SEZ6L: variants seen among roughly 807,000 people sequenced by gnomAD.
SEZ6L encodes the protein seizure 6-like protein.
Under a neutral mutation model 106.2 loss-of-function variants are expected in SEZ6L, and 37 were observed. That is an observed-to-expected ratio of 0.35 (90% CI 0.27 to 0.46). SEZ6L has a LOEUF of 0.46. Ranked by LOEUF, SEZ6L falls within the 20% of genes least tolerant of loss-of-function variation. SEZ6L has a pLI of 1.00. For synonymous variants in SEZ6L, 541 were observed against 570.4 expected (o/e 0.95, Z 0.73); for missense variants, 1,172 against 1,332.8 (o/e 0.88, Z 1.88).
chr22:26,369,604 T>G (rs2083954276), intron 13 of SEZ6L, among the ~76,000 whole-genome samples: 1 of 151,884 alleles, frequency 6.6e-6, no homozygotes, highest in Admixed American at 6.6e-5. Flanking sequence ...CCTCCCAAAG[T>G]GCTGGGATTA....
chr22:26,381,964 T>C lies in SEZ6L; in HGVS notation c.*1669T>C, dbSNP rs1256369638. 9.7e-6 allele frequency: 5 copies of C among 513,890 alleles called. No homozygotes were observed. The highest frequency in any genetic ancestry group is 5.8e-5 in the African/African-American group (3 of 51,630). The allele number at this position is 513,890 out of a possible 1,614,324, so 31.8% of individuals were successfully genotyped here. A position where few individuals can be genotyped will look rare whatever the true frequency, so the allele number is the denominator to read the frequency against. ...GGGAGTCTATGTTTTGGTGGTTACATTGGAAACATCTTAAGCAAGATAGGG... is the reference window on the plus strand; with the variant it reads ...GGGAGTCTATGTTTTGGTGGTTACACTGGAAACATCTTAAGCAAGATAGGG... On this transcript the variant is annotated 3_prime_UTR_variant, in exon 17 of 17. Transcript: ENST00000248933.
In SEZ6L at chr22:26,328,699, C is replaced by T. The variant is rs188758880; in HGVS notation, c.2016-11737C>T. Among the ~76,000 whole-genome samples the T allele has an allele frequency of 1.7e-3, 264 of 152,110 alleles. 8 individuals carry two copies. The highest frequency in any genetic ancestry group is 0.016 in the Admixed American group (241 of 15,294). The stretch of plus-strand genomic sequence containing the variant: ...TGCCCGTGGGGCAGGCCCAGGGGGA[C>T]GGCAGGCCGAGAGCAGGAATCTCTT... On this transcript the variant is annotated intron_variant, in intron 9 of 16. Transcript: ENST00000248933.
At chr22:26,295,650 G>A (rs1423146842) in intron 3 of SEZ6L, among the ~76,000 whole-genome samples, 2 of 152,190 alleles carry the variant, frequency 1.3e-5, no homozygotes, top group African/African-American at 4.8e-5. Context: ...GTCATGAAGA[G>A]TATTGGACCC....
At chr22:26,188,754 CATAGCTCT>C (rs1256229565) in intron 1 of SEZ6L, among the ~76,000 whole-genome samples, 1 of 152,172 alleles carries the variant, frequency 6.6e-6, no homozygotes, top group Non-Finnish European at 1.5e-5. Context: ...ACAGAAAAGC[CATAGCTCT>C]AAGTGTTCAC....
intron 1 of SEZ6L, among the ~76,000 whole-genome samples, chr22:26,257,191 C>G (rs913921880): frequency 2.0e-5 from 3 of 152,144 alleles, no homozygotes; most frequent in African/African-American, 7.2e-5. Context: ...AATTATCCAG[C>G]CCAAACTTCA....
chr22:26,305,547 G>A (rs2081603509), intron 5 of SEZ6L, among the ~76,000 whole-genome samples: 1 of 152,204 alleles, frequency 6.6e-6, no homozygotes, highest in South Asian at 2.1e-4. Context: ...TGTTATTAGT[G>A]AGGCTGAATT....
chr22:26,348,646 AAAAG>A (rs768075015), intron 11 of SEZ6L, among the ~76,000 whole-genome samples: 561 of 7,578 alleles, frequency 0.074, 39 homozygotes, highest in Middle Eastern at 0.15. Flanking sequence ...GAAAGAAAGA[AAAAG>A]AAAGAAAGAA....
At chr22:26,192,019 C>A (rs901863271) in intron 1 of SEZ6L, among the ~76,000 whole-genome samples, 2 of 152,040 alleles carry the variant, frequency 1.3e-5, no homozygotes, top group African/African-American at 2.4e-5. Flanking sequence ...TCCATCCATC[C>A]ACTCATTCTC....
intron 1 of SEZ6L, among the ~76,000 whole-genome samples, chr22:26,194,193 G>A (rs1405873341): frequency 6.6e-6 from 1 of 152,188 alleles, no homozygotes; most frequent in East Asian, 1.9e-4. Flanking sequence ...AACCTTACAT[G>A]CCACCATACT....
chr22:26,208,225 G>A (rs1941390503), intron 1 of SEZ6L, among the ~76,000 whole-genome samples: 1 of 152,136 alleles, frequency 6.6e-6, no homozygotes, highest in Non-Finnish European at 1.5e-5. Context: ...ATATTCATGT[G>A]TATTTTAAGG....
chr22:26,268,867 T>C (rs965790672), intron 1 of SEZ6L, among the ~76,000 whole-genome samples: 1 of 152,108 alleles, frequency 6.6e-6, no homozygotes, highest in African/African-American at 2.4e-5. Flanking sequence ...GAAAGCAAGA[T>C]GTGTCTGAAG....
chr22:26,321,574 C>T (rs942828105), intron 9 of SEZ6L, among the ~76,000 whole-genome samples: 1 of 152,244 alleles, frequency 6.6e-6, no homozygotes, highest in Non-Finnish European at 1.5e-5. Flanking sequence ...CACCTCCTCC[C>T]TCCCACAGAG....
chr22:26,322,323 C>A (rs533767829), intron 9 of SEZ6L, among the ~76,000 whole-genome samples: 1 of 152,340 alleles, frequency 6.6e-6, no homozygotes, highest in East Asian at 1.9e-4. Context: ...GTAGCCTCCA[C>A]TTCCACTGAC....
intron 9 of SEZ6L, among the ~76,000 whole-genome samples, chr22:26,314,230 T>A (rs1385466665): frequency 6.6e-6 from 1 of 152,194 alleles, no homozygotes; most frequent in Admixed American, 6.6e-5. Flanking sequence ...GAGAGGTTAA[T>A]GGTGCTATGA....
chr22:26,336,693 T>A (rs1272409837), intron 9 of SEZ6L, among the ~76,000 whole-genome samples: 1 of 152,182 alleles, frequency 6.6e-6, no homozygotes, highest in Non-Finnish European at 1.5e-5. Flanking sequence ...TTTAGCCCTG[T>A]TGACATTTTG....
chr22:26,340,846 G>A (rs926371), intron 10 of SEZ6L, among the ~76,000 whole-genome samples: 29,952 of 152,156 alleles, frequency 0.2, 3,570 homozygotes, highest in South Asian at 0.31. Flanking sequence ...GTGGCTTTGG[G>A]AAAGTTACTG....
chr22:26,321,516 A>C (rs1749983181), intron 9 of SEZ6L, among the ~76,000 whole-genome samples: 1 of 152,200 alleles, frequency 6.6e-6, no homozygotes, highest in Non-Finnish European at 1.5e-5. Flanking sequence ...CCCGAGGCTC[A>C]CGCCGACAAG....
intron 1 of SEZ6L, among the ~76,000 whole-genome samples, chr22:26,233,889 A>G (rs1388503494): frequency 1.3e-5 from 2 of 152,198 alleles, no homozygotes; most frequent in Admixed American, 1.3e-4. Context: ...GGAGCCAGCC[A>G]GGTGAAGACC....
intron 6 of SEZ6L, among the ~76,000 whole-genome samples, chr22:26,309,768 G>A (rs913447538): frequency 1.3e-5 from 2 of 151,966 alleles, no homozygotes; most frequent in Non-Finnish European, 2.9e-5. Flanking sequence ...TAGTAGAGAC[G>A]GGGTTTCACC....
Sources: gnomAD v4.1 joint callset for allele counts (sites outside exome capture counted in the v4.1 genomes callset) on GRCh38, gnomAD v4.1.1 for gene constraint, MANE v1.5 for transcripts, NCBI Gene and HGNC (gene_info 2026-07-23, HGNC 2026-07-21) for gene names.